Variants in CNTN4 observed in about 807,000 individuals in gnomAD.
CNTN4 encodes contactin 4.
CNTN4 carries 77 observed loss-of-function variants against 122.5 expected under a neutral mutation model. That is an observed-to-expected ratio of 0.63 (90% CI 0.52 to 0.76). The LOEUF is 0.76. CNTN4 is among the 30% of genes least tolerant of loss of function. The probability of loss-of-function intolerance (pLI) is 0.00; values close to 1 mark genes in which losing one functional copy is unlikely to be tolerated. For missense variants in CNTN4, 1,256 were observed against 1,259.1 expected, an observed-to-expected ratio of 1.00 and a Z score of 0.04; for synonymous variants, 512 against 447.0, an observed-to-expected ratio of 1.15 and a Z score of -1.83.
At chr3:2,251,478 C>G (rs1361576768) in intron 2 of CNTN4, among the ~76,000 whole-genome samples, 1 of 151,798 alleles carries the variant, frequency 6.6e-6, no homozygotes, top group Non-Finnish European at 1.5e-5. Context: ...CACTAATGTC[C>G]TTTAGGAAAT....
intron 2 of CNTN4, among the ~76,000 whole-genome samples, chr3:2,306,003 G>A (rs1290431961): frequency 1.3e-5 from 2 of 152,012 alleles, no homozygotes; most frequent in African/African-American, 4.8e-5. Context: ...TTGATTCTAT[G>A]GATATACAAC....
chr3:2,220,284 GC>G (rs1380311999), intron 2 of CNTN4, among the ~76,000 whole-genome samples: 1 of 152,082 alleles, frequency 6.6e-6, no homozygotes, highest in Non-Finnish European at 1.5e-5. Flanking sequence ...ATCACCACCT[GC>G]CTTGTGTTCT....
intron 3 of CNTN4, among the ~76,000 whole-genome samples, chr3:2,465,775 GA>G (rs1207764142): frequency 3.3e-5 from 5 of 152,176 alleles, no homozygotes; most frequent in Non-Finnish European, 7.3e-5. Flanking sequence ...CTTGAAGCTT[GA>G]AACCTCTCAG....
chr3:2,372,995 C>G (rs923853744), intron 3 of CNTN4, among the ~76,000 whole-genome samples: 1 of 152,120 alleles, frequency 6.6e-6, no homozygotes, highest in Non-Finnish European at 1.5e-5. Flanking sequence ...TGCAATGAGC[C>G]AAGATCTCAC....
At chr3:2,239,258 T>C (rs1264467203) in intron 2 of CNTN4, among the ~76,000 whole-genome samples, 1 of 152,176 alleles carries the variant, frequency 6.6e-6, no homozygotes, top group Non-Finnish European at 1.5e-5. Flanking sequence ...CCTGTGGCAT[T>C]ACAGAGTTTG....
rs190780190 is a variant in CNTN4 at position 2,971,197 on chromosome 3, T to C, written c.1359-17148T>C. On this transcript the variant is annotated intron_variant, in intron 13 of 24. Transcript: ENST00000418658. ...GGAAGTGCATCATCATACAGGTCCT[T>C]ATCCTCATCCTCTTCAAGTTGAGTA... is the stretch of plus-strand genomic sequence containing the variant. 1.1e-3 allele frequency among the ~76,000 whole-genome samples: 170 copies of C among 152,352 alleles called. 1 individual carries two copies. The highest frequency in any genetic ancestry group is 3.9e-3 in the African/African-American group (162 of 41,580).
rs1502579 is a variant in CNTN4, at chr3:2,434,345, A to T, written c.-89+95112A>T. On this transcript the variant is annotated intron_variant, in intron 3 of 24. Transcript: ENST00000418658. ...TAAAATGTAAAAATATATCTGTTTA[A>T]AAACAAAAAAGAAAGAAAGACTCTA... 8.1e-3 allele frequency among the ~76,000 whole-genome samples: 1,239 copies of T among 152,268 alleles called. 44 individuals are homozygous for T. In the East Asian group the frequency reaches 0.13, roughly 16 times the overall value.
At chr3:2,686,769 G>C (rs1395510305) in intron 4 of CNTN4, among the ~76,000 whole-genome samples, 1 of 152,182 alleles carries the variant, frequency 6.6e-6, no homozygotes, top group Non-Finnish European at 1.5e-5. Context: ...TGCAAAGTTT[G>C]ACCATGCTAT....
chr3:2,195,912 G>A (rs969855668), intron 2 of CNTN4, among the ~76,000 whole-genome samples: 3 of 152,162 alleles, frequency 2.0e-5, no homozygotes, highest in African/African-American at 7.2e-5. Flanking sequence ...AACTTTCTCT[G>A]TGAATTTTCA....
chr3:2,461,551 G>T (rs1284092198), intron 3 of CNTN4, among the ~76,000 whole-genome samples: 1 of 152,180 alleles, frequency 6.6e-6, no homozygotes, highest in Non-Finnish European at 1.5e-5. Flanking sequence ...TAGAACCTGA[G>T]CTCTTAACCG....
intron 3 of CNTN4, among the ~76,000 whole-genome samples, chr3:2,464,726 A>G (rs2075436629): frequency 6.6e-6 from 1 of 152,240 alleles, no homozygotes. Flanking sequence ...ACTCTGCTGT[A>G]GAGGAAAGGC....
intron 13 of CNTN4, among the ~76,000 whole-genome samples, chr3:2,970,833 G>A (rs1377594201): frequency 2.0e-5 from 3 of 151,912 alleles, no homozygotes; most frequent in Non-Finnish European, 2.9e-5. Flanking sequence ...TGTTGCCCAG[G>A]CTGGAGTGCA....
intron 2 of CNTN4, among the ~76,000 whole-genome samples, chr3:2,281,549 C>T (rs983344751): frequency 6.6e-6 from 1 of 152,048 alleles, no homozygotes. Flanking sequence ...AGGAATACAG[C>T]AATTTCAGAG....
chr3:2,550,578 G>A (rs1003065173), intron 3 of CNTN4, among the ~76,000 whole-genome samples: 1 of 152,120 alleles, frequency 6.6e-6, no homozygotes, highest in African/African-American at 2.4e-5. Context: ...AATACCATTT[G>A]ACCCAGCAAC....
At chr3:2,481,786 G>A (rs562953095) in intron 3 of CNTN4, among the ~76,000 whole-genome samples, 2 of 152,128 alleles carry the variant, frequency 1.3e-5, no homozygotes, top group South Asian at 4.2e-4. Context: ...AGATCTGATG[G>A]TTTTATAAGC....
Position 2,342,327 on chromosome 3 carries a change from C to T in CNTN4, c.-89+3094C>T, listed in dbSNP as rs560923085. On this transcript the variant is annotated intron_variant, in intron 3 of 24. Coordinates refer to ENST00000418658, the MANE Select transcript of CNTN4 (RefSeq NM_175607.3). ...AATAGAAGAAGACAGTTACATTCTT[C>T]TTTTTCTGGATTGGTACAAAAATTT... Among the ~76,000 whole-genome samples the T allele has an allele frequency of 7.9e-5, 12 of 152,226 alleles. No homozygotes were observed. In the East Asian group the frequency reaches 1.2e-3, roughly 15 times the overall value.
intron 2 of CNTN4, among the ~76,000 whole-genome samples, chr3:2,226,425 CTTTACA>C (rs1028871811): frequency 6.6e-6 from 1 of 152,170 alleles, no homozygotes; most frequent in Non-Finnish European, 1.5e-5. Flanking sequence ...AGCATAACCA[CTTTACA>C]TACAGAGCAG....
chr3:2,418,229 G>A (rs1331825533), intron 3 of CNTN4, among the ~76,000 whole-genome samples: 1 of 152,136 alleles, frequency 6.6e-6, no homozygotes. Flanking sequence ...GAGGCTGTGT[G>A]TATAGGAGGG....
chr3:2,344,976 T>A (rs1265556101), intron 3 of CNTN4, among the ~76,000 whole-genome samples: 1 of 152,202 alleles, frequency 6.6e-6, no homozygotes, highest in African/African-American at 2.4e-5. Context: ...GAGGGACTTT[T>A]GATGTCAGGG....
Sources: allele counts gnomAD v4.1 joint callset (sites outside exome capture counted in the v4.1 genomes callset), GRCh38; gene constraint gnomAD v4.1.1; transcripts MANE v1.5; gene names NCBI Gene and HGNC (gene_info 2026-07-23, HGNC 2026-07-21).